The following TRIM6 variants were observed in gnomAD, a reference collection of about 807,000 sequenced individuals.
The protein encoded by TRIM6 is tripartite motif containing 6, also known as tripartite motif-containing protein 6.
TRIM6 carries 43 observed loss-of-function variants against 51.2 expected under a neutral mutation model. The observed-to-expected ratio is 0.84, with a 90% confidence interval of 0.66 to 1.08. The LOEUF (loss-of-function observed/expected upper bound fraction) is 1.08. Ranked by LOEUF, TRIM6 falls within the 50% of genes least tolerant of loss-of-function variation. The pLI is 0.00. For missense variants in TRIM6, 669 were observed against 619.0 expected, an observed-to-expected ratio of 1.08 and a Z score of -0.86; for synonymous variants, 215 against 232.4, an observed-to-expected ratio of 0.93 and a Z score of 0.68.
chr11:5,605,295 T>A (rs752143115), intron 3 of TRIM6, 42 bp from the exon 4 acceptor site: 4 of 1,612,346 alleles, frequency 2.5e-6, no homozygotes, highest in Non-Finnish European at 3.4e-6. Flanking sequence ...AGACCCTCAG[T>A]GTGACCGACT....
Position 5,610,816 on chromosome 11 carries a change from T to G in TRIM6, c.1025T>G (p.Leu342Arg), listed in dbSNP as rs771441092. Reference sequence around the variant, plus strand: ...AATCCACACACAGCTAATTTAAATCTTGTCCTGGCTAAAAACCGGAGACAA... The same window carrying G: ...AATCCACACACAGCTAATTTAAATCGTGTCCTGGCTAAAAACCGGAGACAA... ...TLNPHTANLN[L>R]VLAKNRRQVR... Residue 342 changes from leucine (L) to arginine (R), a missense_variant, in exon 8 of 8, where the codon CTT (leucine) becomes CGT (arginine). Coordinates refer to ENST00000380097, the MANE Select transcript of TRIM6 (RefSeq NM_001003818.3). 2.5e-6 allele frequency: 4 copies of G among 1,614,076 alleles called. No homozygotes were observed. In the African/African-American group the frequency reaches 5.3e-5, roughly 22 times the overall value.
intron 4 of TRIM6, among the ~76,000 whole-genome samples, chr11:5,607,211 A>G (rs968921583): frequency 2.6e-5 from 4 of 152,208 alleles, no homozygotes; most frequent in African/African-American, 9.6e-5. Flanking sequence ...CTCAAAAAAA[A>G]AAAATATTTT....
At chr11:5,597,426 G>T (rs997521972) in intron 1 of TRIM6, among the ~76,000 whole-genome samples, 2 of 152,150 alleles carry the variant, frequency 1.3e-5, no homozygotes, top group African/African-American at 4.8e-5. Context: ...TTCTTTTGAA[G>T]TGGAAATTAA....
intron 1 of TRIM6, among the ~76,000 whole-genome samples, chr11:5,602,684 T>G (rs549997483): frequency 2.2e-4 from 33 of 151,922 alleles, no homozygotes; most frequent in South Asian, 1.7e-3. Context: ...CCAGGTGCGG[T>G]GGCTCATGCC....
In TRIM6 at chr11:5,610,956, G is replaced by A. The variant is rs1432462660; in HGVS notation, c.1165G>A (p.Val389Met). Residue 389 changes from valine (V) to methionine (M), a missense_variant, in exon 8 of 8, where the codon GTG becomes ATG. Coordinates refer to ENST00000380097, the MANE Select transcript of TRIM6 (RefSeq NM_001003818.3). ...SSGKHYWEVDVAKKTAWILGV... is the reference protein window; with the variant it reads ...SSGKHYWEVDMAKKTAWILGV... ...TGGTAAGCATTACTGGGAGGTAGAT[G>A]TGGCCAAGAAGACTGCCTGGATCCT... The A allele has an allele frequency of 6.2e-7, 1 of 1,614,054 alleles. No homozygotes were observed. The highest frequency in any genetic ancestry group is 8.5e-7 in the Non-Finnish European group (1 of 1,180,034).
At chr11:5,610,051 G>A (rs561836797) in intron 5 of TRIM6, 94 bp from the exon 6 acceptor site, 1 of 1,304,472 alleles carries the variant, frequency 7.7e-7, no homozygotes, top group East Asian at 2.3e-5. Flanking sequence ...AAGGAGGATT[G>A]GAATTCATCA....
At chr11:5,608,889 C>T (rs563484508) in intron 5 of TRIM6, among the ~76,000 whole-genome samples, 129 of 124,952 alleles carry the variant, frequency 1.0e-3, no homozygotes, top group Non-Finnish European at 1.8e-3. Context: ...TTCACTCTGT[C>T]GCCCAGGCTG....
chr11:5,605,295 T>C lies in TRIM6; in HGVS notation c.604-42T>C, dbSNP rs752143115. ...CGCTTTTAATAGAGGAGACCCTCAG[T>C]GTGACCGACTAGCAGCCTCTTTTTC... On this transcript the variant is annotated intron_variant, in intron 3 of 7. Transcript: ENST00000380097. The C allele has an allele frequency of 3.1e-6, 5 of 1,612,346 alleles. No individual in the cohort carries two copies. In the Admixed American group the frequency reaches 6.7e-5, roughly 21 times the overall value.
At chr11:5,601,855 G>A (rs1277947527) in intron 1 of TRIM6, among the ~76,000 whole-genome samples, 1 of 152,112 alleles carries the variant, frequency 6.6e-6, no homozygotes. Flanking sequence ...GCTCTATGTG[G>A]AGCAGGGCCG....
Position 5,603,729 on chromosome 11 carries a change from G to GTGGT in TRIM6, c.502_503insGGTT (p.Tyr168TrpfsTer21). 1.5e-5 allele frequency: 25 copies of GTGGT among 1,613,358 alleles called. No homozygotes were observed. Among genetic ancestry groups the GTGGT allele is most frequent in the Non-Finnish European group, 2.1e-5 (25 of 1,179,810 alleles). On this transcript the variant is annotated frameshift_variant, in exon 2 of 8. Coordinates refer to ENST00000380097, the MANE Select transcript of TRIM6 (RefSeq NM_001003818.3). LOFTEE classifies it high-confidence loss of function. ...TCCTCGTGGAGGAGGTTGCCCAGGA[G>GTGGT]TACCAGGTGAGACCCCAGGATGGAA... is the stretch of plus-strand genomic sequence containing the variant.
chr11:5,597,270 T>C (rs1847528763), intron 1 of TRIM6, among the ~76,000 whole-genome samples: 2 of 152,116 alleles, frequency 1.3e-5, no homozygotes, highest in African/African-American at 2.4e-5. Flanking sequence ...TTGGTGAGGA[T>C]TGAGTGAGAC....
intron 4 of TRIM6, 75 bp from the exon 5 acceptor site, chr11:5,608,297 G>A: frequency 6.3e-7 from 1 of 1,596,192 alleles, no homozygotes; most frequent in Non-Finnish European, 8.5e-7. Context: ...CATGGGGTAG[G>A]GGACATGGAA....
At chr11:5,598,811 T>A (rs1847640819) in intron 1 of TRIM6, among the ~76,000 whole-genome samples, 1 of 152,166 alleles carries the variant, frequency 6.6e-6, no homozygotes. Flanking sequence ...GTTTATTGAG[T>A]TCTATCTAGT....
At chr11:5,603,150 G>A (rs1294841712) in intron 1 of TRIM6, 96 bp from the exon 2 acceptor site, 1 of 1,515,088 alleles carries the variant, frequency 6.6e-7, no homozygotes, top group Non-Finnish European at 8.8e-7. Flanking sequence ...GTTACCCCAG[G>A]TGTCTGACCT....
At chr11:5,600,653 T>C (rs1847782668) in intron 1 of TRIM6, among the ~76,000 whole-genome samples, 1 of 151,558 alleles carries the variant, frequency 6.6e-6, no homozygotes, top group South Asian at 2.1e-4. Context: ...TGGGGGTAAA[T>C]TGGTACAATT....
chr11:5,597,270 TTGAG>T (rs1847529036), intron 1 of TRIM6, among the ~76,000 whole-genome samples: 1 of 152,116 alleles, frequency 6.6e-6, no homozygotes, highest in South Asian at 2.1e-4. Flanking sequence ...TTGGTGAGGA[TTGAG>T]TGAGACAGAT....
intron 1 of TRIM6, among the ~76,000 whole-genome samples, chr11:5,601,183 C>A (rs992047596): frequency 6.6e-6 from 1 of 152,176 alleles, no homozygotes; most frequent in Non-Finnish European, 1.5e-5. Context: ...ACTTCGAAAG[C>A]ACTTGGTCCA....
rs376937201 is a variant in TRIM6, at chr11:5,605,521, C to G, written c.788C>G (p.Ser263Trp). Reference sequence around the variant, plus strand: ...ACCCAGTCGCTGCGAGAGCTCATCTCGGATCTGGAGCGTCGATGTCAGGGG... The same window carrying G: ...ACCCAGTCGCTGCGAGAGCTCATCTGGGATCTGGAGCGTCGATGTCAGGGG... Reference protein sequence around the residue: ...HQTQSLRELISDLERRCQGST... With the variant: ...HQTQSLRELIWDLERRCQGST... The change falls in exon 4 of 8, where the codon TCG becomes TGG. Residue 263 changes from serine to tryptophan, a missense_variant. Transcript: ENST00000380097. The G allele has an allele frequency of 3.7e-6, 6 of 1,613,902 alleles. No individual in the cohort carries two copies. Among genetic ancestry groups the G allele is most frequent in the Non-Finnish European group, 5.1e-6 (6 of 1,180,010 alleles).
intron 4 of TRIM6, among the ~76,000 whole-genome samples, chr11:5,605,915 C>G (rs1485324373): frequency 1.3e-5 from 2 of 152,144 alleles, no homozygotes; most frequent in Non-Finnish European, 2.9e-5. Context: ...GTGGGGTTCT[C>G]CTGTACATTG....
Sources: gnomAD v4.1 joint callset for allele counts (sites outside exome capture counted in the v4.1 genomes callset) on GRCh38, gnomAD v4.1.1 for gene constraint, MANE v1.5 for transcripts, NCBI Gene and HGNC (gene_info 2026-07-23, HGNC 2026-07-21) for gene names.